The following EYA3 variants were observed in gnomAD, a reference collection of about 807,000 sequenced individuals.
EYA3 encodes protein phosphatase EYA3.
EYA3 carries 39 observed loss-of-function variants against 80.0 expected under a neutral mutation model. The observed-to-expected ratio is 0.49, with a 90% CI of 0.38 to 0.64. The LOEUF (loss-of-function observed/expected upper bound fraction) is 0.64, where lower values mean the gene tolerates loss of function less well. EYA3 is among the 30% of genes least tolerant of loss of function. EYA3 has a pLI of 0.00. For missense variants in EYA3, 523 were observed against 676.1 expected, an observed-to-expected ratio of 0.77 and a Z score of 2.51; for synonymous variants, 206 against 232.8, an observed-to-expected ratio of 0.88 and a Z score of 1.05.
At chr1:28,081,118 A>G (rs747762669) in intron 1 of EYA3, among the ~76,000 whole-genome samples, 2 of 152,204 alleles carry the variant, frequency 1.3e-5, no homozygotes, top group Non-Finnish European at 2.9e-5. Context: ...AAAAAGATAA[A>G]GGAAACCACT....
At chr1:28,048,083 T>C (rs983085007) in intron 3 of EYA3, among the ~76,000 whole-genome samples, 1 of 152,192 alleles carries the variant, frequency 6.6e-6, no homozygotes, top group Non-Finnish European at 1.5e-5. Flanking sequence ...CTGAAGAATA[T>C]GGTGCTTTTC....
chr1:27,970,893 C>G lies in EYA3; in HGVS notation c.*3573G>C, dbSNP rs1197601046. On this transcript the variant is annotated 3_prime_UTR_variant, in exon 18 of 18. Transcript: ENST00000373871. ...ATTGCTCTACCCCATACTCCTCTCC[C>G]CTGTGGTTCAGTGACACTGACAACC... 3 of 152,234 alleles carry G rather than the reference C, an allele frequency of 2.0e-5. No individual in the cohort carries two copies. Among genetic ancestry groups the G allele is most frequent in the Non-Finnish European group, 4.4e-5 (3 of 68,070 alleles). 9.4% of individuals were successfully genotyped at this position (152,234 alleles called of 1,614,324 possible).
intron 7 of EYA3, among the ~76,000 whole-genome samples, chr1:28,021,575 G>T (rs528388359): frequency 3.9e-4 from 59 of 151,538 alleles, no homozygotes; most frequent in Non-Finnish European, 6.9e-4. Context: ...CATCTATCTT[G>T]TGTGCACTAA....
chr1:28,072,075 C>T (rs1645036517), intron 1 of EYA3, among the ~76,000 whole-genome samples: 1 of 152,026 alleles, frequency 6.6e-6, no homozygotes, highest in African/African-American at 2.4e-5. Flanking sequence ...CTGAATGCAA[C>T]TCAAAATGAT....
intron 1 of EYA3, among the ~76,000 whole-genome samples, chr1:28,081,572 T>C (rs964963045): frequency 2.0e-5 from 3 of 152,152 alleles, no homozygotes; most frequent in East Asian, 1.9e-4. Context: ...CATGTATATA[T>C]TGGATTATTC....
At position 28,050,675 on chromosome 1, in the gene EYA3, G is replaced by GT. The variant is rs1328327055; in HGVS notation, c.34-2250dup. On this transcript the variant is annotated intron_variant, in intron 2 of 17. Transcript: ENST00000373871. ...CTGGGGAAGGAAAGGGTGTTACAATGTTTTTTTTGTTTTGTTTTGTTTTTA... is the reference window on the plus strand; with the variant it reads ...CTGGGGAAGGAAAGGGTGTTACAATGTTTTTTTTTGTTTTGTTTTGTTTTTA... 9.9e-5 allele frequency among the ~76,000 whole-genome samples: 15 copies of GT among 151,898 alleles called. No individual in the cohort carries two copies. In the East Asian group the frequency reaches 2.1e-3, roughly 21 times the overall value.
intron 1 of EYA3, among the ~76,000 whole-genome samples, chr1:28,062,019 A>G (rs1644649579): frequency 1.3e-5 from 2 of 152,318 alleles, no homozygotes; most frequent in Admixed American, 1.3e-4. Flanking sequence ...CACAGAAGTG[A>G]AAAGTGGATT....
At chr1:27,980,427 T>C (rs1469537635) in intron 16 of EYA3, among the ~76,000 whole-genome samples, 1 of 152,190 alleles carries the variant, frequency 6.6e-6, no homozygotes, top group Non-Finnish European at 1.5e-5. Context: ...AACTCATATT[T>C]TGAGGATAAG....
intron 1 of EYA3, among the ~76,000 whole-genome samples, chr1:28,084,628 G>T (rs1391357448): frequency 9.4e-5 from 2 of 21,218 alleles, no homozygotes; most frequent in Middle Eastern, 0.05. Flanking sequence ...TTTTTTTTTT[G>T]AGATGAGTCT....
intron 5 of EYA3, among the ~76,000 whole-genome samples, chr1:28,038,010 C>T (rs1054101713): frequency 1.3e-5 from 2 of 152,152 alleles, no homozygotes; most frequent in African/African-American, 4.8e-5. Context: ...CACCTACCCA[C>T]TTTGGAGATG....
At chr1:28,066,021 A>T (rs1178474208) in intron 1 of EYA3, among the ~76,000 whole-genome samples, 1 of 152,074 alleles carries the variant, frequency 6.6e-6, no homozygotes. Context: ...AAAAAAAACA[A>T]AAAAGAGTTA....
chr1:28,070,967 G>C (rs1037656956), intron 1 of EYA3, among the ~76,000 whole-genome samples: 2 of 152,178 alleles, frequency 1.3e-5, no homozygotes, highest in Non-Finnish European at 2.9e-5. Context: ...CTATCACCCA[G>C]GCTGGAGTGC....
intron 13 of EYA3, among the ~76,000 whole-genome samples, chr1:27,994,967 A>AG (rs1466370947): frequency 4.2e-5 from 6 of 144,084 alleles, no homozygotes; most frequent in African/African-American, 1.5e-4. Flanking sequence ...GTCTCTTTGG[A>AG]AAAAAAAAAA....
chr1:28,013,212 G>A lies in EYA3; in HGVS notation c.668C>T (p.Thr223Ile), dbSNP rs1448302405. Residue 223 changes from threonine (T) to isoleucine (I), a missense_variant, in exon 9 of 18, where the codon ACT becomes ATT. Thr to Ile is a moderately conservative substitution (Grantham distance 89). Transcript: ENST00000373871. This position sits in a 1 kb window ranked among gnomAD's most constrained non-coding sequence, Gnocchi z 4.0. ...TGTGGTGCTCTCTGCATCACTGTTAGTCTGACCTGTGACTCCAAAGCTGGA... is the reference window on the plus strand; with the variant it reads ...TGTGGTGCTCTCTGCATCACTGTTAATCTGACCTGTGACTCCAAAGCTGGA... ...PSSSFGVTGQ[T>I]NSDAESTTLA... 6.2e-7 allele frequency: 1 copy of A among 1,614,130 alleles called. No individual in the cohort carries two copies.
At chr1:28,043,181 T>C (rs1315465352) in intron 3 of EYA3, among the ~76,000 whole-genome samples, 1 of 152,194 alleles carries the variant, frequency 6.6e-6, no homozygotes, top group African/African-American at 2.4e-5. Flanking sequence ...CTTTAGTTTT[T>C]ATATAATTCA....
chr1:27,976,619 G>C (rs1190285022), intron 17 of EYA3, among the ~76,000 whole-genome samples: 2 of 152,326 alleles, frequency 1.3e-5, no homozygotes, highest in African/African-American at 2.4e-5. Flanking sequence ...ATTCAAGCAA[G>C]GACTAGAGAG....
At chr1:28,006,938 T>C (rs1407554038) in intron 10 of EYA3, among the ~76,000 whole-genome samples, 2 of 85,982 alleles carry the variant, frequency 2.3e-5, no homozygotes, top group Non-Finnish European at 5.6e-5. Flanking sequence ...CATAATCTTT[T>C]TTTTTTTTTT....
At chr1:27,982,898 G>A (rs1411682730) in intron 16 of EYA3, among the ~76,000 whole-genome samples, 1 of 152,174 alleles carries the variant, frequency 6.6e-6, no homozygotes, top group Non-Finnish European at 1.5e-5. Context: ...ATGAGTATAT[G>A]TAATTTTACT....
chr1:27,997,467 G>C (rs981120604), intron 12 of EYA3, 89 bp from the exon 13 acceptor site: 10 of 1,137,752 alleles, frequency 8.8e-6, no homozygotes, highest in Non-Finnish European at 1.3e-5. Context: ...ATATACAGTG[G>C]CAGGATAATG....
Sources: gnomAD v4.1 joint callset for allele counts (sites outside exome capture counted in the v4.1 genomes callset) on GRCh38, gnomAD v4.1.1 for gene constraint, Gnocchi (gnomAD v3.1) non-coding constraint, MANE v1.5 for transcripts, NCBI Gene and HGNC (gene_info 2026-07-23, HGNC 2026-07-21) for gene names.